The following LRFN5 variants were observed in gnomAD, a reference collection of about 807,000 sequenced individuals.
The protein encoded by LRFN5 is leucine-rich repeat and fibronectin type-III domain-containing protein 5.
LRFN5 carries 24 observed loss-of-function variants against 45.6 expected under a neutral mutation model. That is an observed-to-expected ratio of 0.53 (90% CI 0.38 to 0.74). The LOEUF (loss-of-function observed/expected upper bound fraction) is 0.74, where lower values mean the gene tolerates loss of function less well. Among genes scored for constraint, LRFN5 ranks in the 30% least tolerant of loss-of-function variants. The pLI is 0.00. For missense variants in LRFN5, 776 were observed against 861.5 expected (o/e 0.90, Z 1.24); for synonymous variants, 340 against 313.8 (o/e 1.08, Z -0.88).
rs74790546 is a variant in LRFN5, at chr14:41,854,811, G to A, written c.-20-31795G>A. Reference sequence around the variant, plus strand: ...GAGAATCAAAGGAGATTGATTTGTGGAGGAGAGCCTAATTATCTTGTAGGT... The same window carrying A: ...GAGAATCAAAGGAGATTGATTTGTGAAGGAGAGCCTAATTATCTTGTAGGT... On this transcript the variant is annotated intron_variant, in intron 2 of 5. Coordinates refer to ENST00000298119, the MANE Select transcript of LRFN5 (RefSeq NM_152447.5). Among the ~76,000 whole-genome samples the A allele has an allele frequency of 9.3e-3, 1,417 of 152,238 alleles. 19 individuals carry two copies. The highest frequency in any genetic ancestry group is 0.033 in the African/African-American group (1,353 of 41,552).
intron 2 of LRFN5, among the ~76,000 whole-genome samples, chr14:41,770,111 T>G (rs2138889248): frequency 6.6e-6 from 1 of 152,226 alleles, no homozygotes; most frequent in African/African-American, 2.4e-5. Context: ...TCACTCTTTT[T>G]AACAACCGGA....
chr14:41,684,584 A>G (rs1348078088), intron 1 of LRFN5, among the ~76,000 whole-genome samples: 1 of 152,176 alleles, frequency 6.6e-6, no homozygotes, highest in Non-Finnish European at 1.5e-5. Context: ...TGTGGGGATT[A>G]TGGGGATTAC....
intron 1 of LRFN5, among the ~76,000 whole-genome samples, chr14:41,723,112 C>T (rs977829517): frequency 1.3e-5 from 2 of 152,200 alleles, no homozygotes; most frequent in African/African-American, 2.4e-5. Context: ...GTGTAGAAGA[C>T]CCCAGTGCAG....
At chr14:41,828,666 C>T (rs1345227121) in intron 2 of LRFN5, among the ~76,000 whole-genome samples, 1 of 151,928 alleles carries the variant, frequency 6.6e-6, no homozygotes, top group African/African-American at 2.4e-5. Flanking sequence ...CCTATTGATT[C>T]TCCAGCAAAA....
intron 2 of LRFN5, among the ~76,000 whole-genome samples, chr14:41,828,541 C>T (rs919694827): frequency 1.6e-4 from 25 of 151,936 alleles, no homozygotes; most frequent in African/African-American, 5.8e-4. Context: ...TTTTCTGAAA[C>T]CTATTCCTTT....
chr14:41,798,332 A>G (rs79199381), intron 2 of LRFN5, among the ~76,000 whole-genome samples: 156 of 152,086 alleles, frequency 1.0e-3, no homozygotes, highest in African/African-American at 3.6e-3. Context: ...GTTAACATCA[A>G]TGTTGCTGAT....
At chr14:41,851,350 AT>A (rs1174617376) in intron 2 of LRFN5, among the ~76,000 whole-genome samples, 1 of 150,942 alleles carries the variant, frequency 6.6e-6, no homozygotes, top group East Asian at 1.9e-4. Context: ...CATTTTGAAT[AT>A]TATTATTAGA....
intron 2 of LRFN5, among the ~76,000 whole-genome samples, chr14:41,856,675 A>ATTATTATTATTATTTTTTTTTTTT: frequency 2.2e-4 from 4 of 18,336 alleles, no homozygotes; most frequent in Non-Finnish European, 3.8e-4. Context: ...TATTATTATT[A>ATTATTATTATTATTTTTTTTTTTT]TTTTTTTTTT....
At chr14:41,787,720 T>C (rs1886776863) in intron 2 of LRFN5, among the ~76,000 whole-genome samples, 1 of 152,050 alleles carries the variant, frequency 6.6e-6, no homozygotes, top group African/African-American at 2.4e-5. Context: ...AACTTTTTTT[T>C]CCTATTGCTA....
chr14:41,752,794 C>CTT (rs1392469294), intron 1 of LRFN5, among the ~76,000 whole-genome samples: 1 of 152,106 alleles, frequency 6.6e-6, no homozygotes, highest in Non-Finnish European at 1.5e-5. Flanking sequence ...TCAATTTGGG[C>CTT]TTTTGTTGCC....
chr14:41,859,701 A>T (rs1362250422), intron 2 of LRFN5, among the ~76,000 whole-genome samples: 1 of 152,232 alleles, frequency 6.6e-6, no homozygotes, highest in African/African-American at 2.4e-5. Flanking sequence ...AAATATATAG[A>T]AATTCATGAA....
intron 1 of LRFN5, among the ~76,000 whole-genome samples, chr14:41,722,329 A>G (rs1883753737): frequency 6.6e-6 from 1 of 151,920 alleles, no homozygotes; most frequent in Admixed American, 6.6e-5. Context: ...TTTCTTTGCA[A>G]TCCATGCTTT....
chr14:41,673,483 C>A (rs1429353461), intron 1 of LRFN5, among the ~76,000 whole-genome samples: 1 of 148,026 alleles, frequency 6.8e-6, no homozygotes, highest in Non-Finnish European at 1.5e-5. Flanking sequence ...GGGCGGCTGG[C>A]CGGGCAGAGG....
intron 2 of LRFN5, among the ~76,000 whole-genome samples, chr14:41,809,787 A>G (rs982104467): frequency 2.6e-5 from 4 of 151,986 alleles, no homozygotes; most frequent in African/African-American, 9.7e-5. Context: ...GGAGATATAC[A>G]TACACACATT....
chr14:41,834,546 C>T (rs909211335), intron 2 of LRFN5, among the ~76,000 whole-genome samples: 2 of 152,162 alleles, frequency 1.3e-5, no homozygotes, highest in Non-Finnish European at 2.9e-5. Context: ...TTTTATTTCA[C>T]CTTAACATTC....
chr14:41,838,713 A>C (rs1888751740), intron 2 of LRFN5, among the ~76,000 whole-genome samples: 2 of 152,186 alleles, frequency 1.3e-5, no homozygotes, highest in South Asian at 4.1e-4. Context: ...TCATTAAATA[A>C]TGAGTGTCTT....
intron 2 of LRFN5, among the ~76,000 whole-genome samples, chr14:41,839,067 G>A (rs1888765590): frequency 6.6e-6 from 1 of 152,032 alleles, no homozygotes; most frequent in African/African-American, 2.4e-5. Context: ...TCCTCTCAAG[G>A]TCTTTGGTAG....
At chr14:41,681,107 G>A (rs1457187063) in intron 1 of LRFN5, among the ~76,000 whole-genome samples, 1 of 151,944 alleles carries the variant, frequency 6.6e-6, no homozygotes, top group Non-Finnish European at 1.5e-5. Flanking sequence ...AAAAAATGAA[G>A]CACACCTATT....
chr14:41,835,451 A>G (rs976515550), intron 2 of LRFN5, among the ~76,000 whole-genome samples: 1 of 152,240 alleles, frequency 6.6e-6, no homozygotes, highest in Non-Finnish European at 1.5e-5. Context: ...ACACCTGCCA[A>G]TTACTTTGAA....
Sources: gnomAD v4.1 joint callset for allele counts (sites outside exome capture counted in the v4.1 genomes callset) on GRCh38, gnomAD v4.1.1 for gene constraint, MANE v1.5 for transcripts, NCBI Gene and HGNC (gene_info 2026-07-23, HGNC 2026-07-21) for gene names.